Variants in NUP37 observed in about 807,000 individuals in gnomAD.
The protein encoded by NUP37 is nucleoporin Nup37.
NUP37 carries 33 observed loss-of-function variants against 45.4 expected under a neutral mutation model. That is an observed-to-expected ratio of 0.73 (90% CI 0.55 to 0.97). The LOEUF (loss-of-function observed/expected upper bound fraction) is 0.97, where lower values mean the gene tolerates loss of function less well. Among genes scored for constraint, NUP37 ranks in the 50% least tolerant of loss-of-function variants. The pLI is 0.00. For missense variants in NUP37, 365 were observed against 389.7 expected (o/e 0.94, Z 0.53); for synonymous variants, 127 against 130.7 (o/e 0.97, Z 0.19).
intron 6 of NUP37, among the ~76,000 whole-genome samples, chr12:102,079,708 G>A (rs888387553): frequency 6.6e-6 from 1 of 151,988 alleles, no homozygotes; most frequent in Non-Finnish European, 1.5e-5. Context: ...CTACATTACT[G>A]TGCTTGGGGA....
At chr12:102,118,043 G>A (rs930083673) in intron 2 of NUP37, among the ~76,000 whole-genome samples, 4 of 152,124 alleles carry the variant, frequency 2.6e-5, no homozygotes, top group East Asian at 1.9e-4. Flanking sequence ...TAGAAAAACC[G>A]TAATTAATTG....
At chr12:102,101,199 T>C in intron 3 of NUP37, 95 bp from the exon 4 acceptor site, 1 of 604,548 alleles carries the variant, frequency 1.7e-6, no homozygotes, top group Non-Finnish European at 2.9e-6. Context: ...TCACTGAAGC[T>C]TTTATCATAA....
In NUP37 at chr12:102,112,184, AT is replaced by A; in HGVS notation, c.204del (p.His70ThrfsTer9). The A allele has an allele frequency of 6.2e-7, 1 of 1,613,738 alleles. No individual in the cohort carries two copies. Among genetic ancestry groups the A allele is most frequent in the Non-Finnish European group, 8.5e-7 (1 of 1,179,692 alleles). Reference sequence around the variant, plus strand: ...CCATCAACCCTGACTCCATGGTGAAATGTTCGAAGTGTTTTATACTGAATGC... The same window carrying A: ...CCATCAACCCTGACTCCATGGTGAAAGTTCGAAGTGTTTTATACTGAATGC... ...VEGIQYKTLRTFHHGVRVDGI... is the reference protein window; with the variant it reads ...VEGIQYKTLRXFHHGVRVDGI... On this transcript the variant is annotated frameshift_variant, in exon 3 of 10. Transcript: ENST00000552283. LOFTEE classifies it high-confidence loss of function.
chr12:102,117,758 T>C (rs1880505772), intron 2 of NUP37, among the ~76,000 whole-genome samples: 1 of 152,244 alleles, frequency 6.6e-6, no homozygotes, highest in Admixed American at 6.5e-5. Context: ...TTACAGGAGA[T>C]GCTAAATATC....
intron 8 of NUP37, 82 bp from the exon 9 acceptor site, chr12:102,075,176 CTTTTTCT>C: frequency 2.5e-5 from 22 of 881,838 alleles, no homozygotes; most frequent in African/African-American, 3.5e-5. Flanking sequence ...TTTTCTTTTT[CTTTTTCT>C]TTTTTTTTAA....
chr12:102,111,931 A>C (rs1364070249), intron 3 of NUP37, among the ~76,000 whole-genome samples, 177 bp downstream of exon 3: 1 of 152,258 alleles, frequency 6.6e-6, no homozygotes, highest in Non-Finnish European at 1.5e-5. Context: ...TGTATATTTA[A>C]ATCACAAATT....
At chr12:102,086,129 C>A (rs1251511308) in intron 5 of NUP37, among the ~76,000 whole-genome samples, 2 of 152,078 alleles carry the variant, frequency 1.3e-5, no homozygotes, top group Non-Finnish European at 2.9e-5. Context: ...ACATGGTAAT[C>A]AAATTAAATT....
rs1193003659 is a variant in NUP37, at chr12:102,073,827, T to A, written c.*527A>T. On this transcript the variant is annotated 3_prime_UTR_variant, in exon 10 of 10. Coordinates refer to ENST00000552283, the MANE Select transcript of NUP37 (RefSeq NM_024057.4). The stretch of plus-strand genomic sequence containing the variant: ...AGTCTTCCAAACCATGCTTGGCTAA[T>A]TTTTTTTATTTTTATTTTTTTAGTA... 2 of 151,888 alleles carry A rather than the reference T, an allele frequency of 1.3e-5. No individual in the cohort carries two copies. Among genetic ancestry groups the A allele is most frequent in the Non-Finnish European group, 2.9e-5 (2 of 67,946 alleles). The allele number at this position is 151,888 out of a possible 1,614,324, so 9.4% of individuals were successfully genotyped here.
intron 5 of NUP37, among the ~76,000 whole-genome samples, chr12:102,093,300 CA>C (rs1879713118): frequency 6.6e-6 from 1 of 152,114 alleles, no homozygotes; most frequent in Admixed American, 6.5e-5. Context: ...GCTGTTGCTT[CA>C]TTTTGATTTC....
intron 5 of NUP37, among the ~76,000 whole-genome samples, chr12:102,098,649 A>T (rs532905408): frequency 6.6e-6 from 1 of 151,954 alleles, no homozygotes; most frequent in South Asian, 2.1e-4. Context: ...CCCTTGCCTC[A>T]GTCCCCCGAG....
intron 7 of NUP37, 166 bp downstream of exon 7, chr12:102,077,156 A>C: frequency 1.4e-6 from 1 of 695,972 alleles, no homozygotes; most frequent in Non-Finnish European, 2.4e-6. Flanking sequence ...AAATCTGCAT[A>C]GCAAGTTTAT....
At chr12:102,079,038 A>G in intron 6 of NUP37, 1 of 347,132 alleles carries the variant, frequency 2.9e-6, no homozygotes, top group Non-Finnish European at 5.7e-6. Context: ...TCCACTCTCT[A>G]CATCTCTGTA....
intron 6 of NUP37, 49 bp from the exon 7 acceptor site, chr12:102,077,552 T>G: frequency 6.6e-7 from 1 of 1,520,384 alleles, no homozygotes; most frequent in Non-Finnish European, 9.0e-7. Flanking sequence ...TCTCACTAAC[T>G]ATACCTGAAG....
chr12:102,076,196 T>G (rs1461254399), intron 8 of NUP37, among the ~76,000 whole-genome samples: 1 of 152,228 alleles, frequency 6.6e-6, no homozygotes, highest in African/African-American at 2.4e-5. Flanking sequence ...TTCTTACATT[T>G]AGTCGAATGT....
intron 5 of NUP37, among the ~76,000 whole-genome samples, chr12:102,088,601 T>C (rs1879537562): frequency 6.6e-6 from 1 of 152,174 alleles, no homozygotes; most frequent in Non-Finnish European, 1.5e-5. Context: ...TTTCATATGT[T>C]ACGTATTTTC....
chr12:102,117,459 T>A (rs112714391), intron 2 of NUP37, among the ~76,000 whole-genome samples: 180 of 151,312 alleles, frequency 1.2e-3, no homozygotes, highest in African/African-American at 3.9e-3. Context: ...AAAATAAAAA[T>A]AATAATAATA....
rs116747556 is a variant in NUP37 at position 102,093,201 on chromosome 12, G to A, written c.449+5905C>T. Among the ~76,000 whole-genome samples, 370 of 152,158 alleles carry A rather than the reference G, an allele frequency of 2.4e-3. 1 individual carries two copies. The highest frequency in any genetic ancestry group is 8.7e-3 in the African/African-American group (363 of 41,558). ...GGAAGGAGGTACCCTGTTTCATACA[G>A]AACACTAATAAACTACACCACACAA... On this transcript the variant is annotated intron_variant, in intron 5 of 9. Coordinates refer to ENST00000552283, the MANE Select transcript of NUP37 (RefSeq NM_024057.4).
In NUP37 at chr12:102,073,859, G is replaced by C. The variant is rs1205724513; in HGVS notation, c.*495C>G. 2 of 152,006 alleles carry C rather than the reference G, an allele frequency of 1.3e-5. No individual in the cohort carries two copies. The highest frequency in any genetic ancestry group is 2.9e-5 in the Non-Finnish European group (2 of 67,992). The allele number at this position is 152,006 out of a possible 1,614,324, so 9.4% of individuals were successfully genotyped here. A position where few individuals can be genotyped will look rare whatever the true frequency, so the allele number is the denominator to read the frequency against. ...TATTTTTATTTTTTTAGTAGAGATA[G>C]GGTTTCACCATGTTGGCCAGGTTGG... On this transcript the variant is annotated 3_prime_UTR_variant, in exon 10 of 10. Coordinates refer to ENST00000552283, the MANE Select transcript of NUP37 (RefSeq NM_024057.4).
intron 6 of NUP37, among the ~76,000 whole-genome samples, chr12:102,083,975 G>A (rs1374784289): frequency 6.6e-6 from 1 of 152,154 alleles, no homozygotes; most frequent in Non-Finnish European, 1.5e-5. Flanking sequence ...GAAGTTAAAA[G>A]GTACAAGTGA....
Sources: gnomAD v4.1 joint callset for allele counts (sites outside exome capture counted in the v4.1 genomes callset) on GRCh38, gnomAD v4.1.1 for gene constraint, MANE v1.5 for transcripts, NCBI Gene and HGNC (gene_info 2026-07-23, HGNC 2026-07-21) for gene names.